HDGFL3: variants seen among roughly 807,000 people sequenced by gnomAD.
The protein encoded by HDGFL3 is HDGF like 3, also known as hepatoma-derived growth factor-related protein 3.
A neutral mutation model predicts 27.6 loss-of-function variants in HDGFL3; 6 were observed. The ratio of observed to expected loss-of-function variants is 0.22; its 90% CI spans 0.12 to 0.43. HDGFL3 has a LOEUF of 0.43. HDGFL3 is among the 20% of genes least tolerant of loss of function. The pLI is 1.00. For synonymous variants in HDGFL3, 88 were observed against 88.9 expected, an observed-to-expected ratio of 0.99 and a Z score of 0.05; for missense variants, 207 against 250.1, an observed-to-expected ratio of 0.83 and a Z score of 1.16.
chr15:83,161,569 T>C (rs922977086), intron 2 of HDGFL3, among the ~76,000 whole-genome samples: 15 of 152,196 alleles, frequency 9.9e-5, no homozygotes, highest in Non-Finnish European at 1.9e-4. Flanking sequence ...CACTTTTGGA[T>C]GTATGAGATG....
intron 1 of HDGFL3, among the ~76,000 whole-genome samples, chr15:83,164,860 T>C (rs1007130267): frequency 3.9e-5 from 6 of 152,238 alleles, no homozygotes; most frequent in African/African-American, 1.4e-4. Flanking sequence ...TCTAAACTCC[T>C]GTCACTTTTC....
At position 83,207,419 on chromosome 15, in the gene HDGFL3, G is replaced by A. The variant is rs1451326629; in HGVS notation, c.-5C>T. ...GCGGGGCCGCGGACGCGCCATCCCAGCCGCTCCCCTTCCTGGTAGTCCTTG... is the reference window on the plus strand; with the variant it reads ...GCGGGGCCGCGGACGCGCCATCCCAACCGCTCCCCTTCCTGGTAGTCCTTG... On this transcript the variant is annotated 5_prime_UTR_variant, in exon 1 of 6. Coordinates refer to ENST00000299633, the MANE Select transcript of HDGFL3 (RefSeq NM_016073.4). This position sits in a 1 kb window ranked among gnomAD's most constrained non-coding sequence, Gnocchi z 4.8. 8 of 1,328,864 alleles carry A rather than the reference G, an allele frequency of 6.0e-6. No individual in the cohort carries two copies. Among genetic ancestry groups the A allele is most frequent in the Non-Finnish European group, 6.8e-6 (7 of 1,034,512 alleles). 82.3% of individuals were successfully genotyped at this position (1,328,864 alleles called of 1,614,324 possible).
chr15:83,200,757 C>T (rs1481819746), intron 1 of HDGFL3, among the ~76,000 whole-genome samples: 1 of 152,096 alleles, frequency 6.6e-6, no homozygotes, highest in Non-Finnish European at 1.5e-5. Context: ...CTTTTAACCC[C>T]TGGTCTGATT....
At chr15:83,162,058 G>A (rs2037108079) in intron 2 of HDGFL3, among the ~76,000 whole-genome samples, 1 of 152,134 alleles carries the variant, frequency 6.6e-6, no homozygotes. Context: ...TGAACCAAAC[G>A]TAGCCTTCTT....
At chr15:83,113,972 C>G (rs1389935217) in exon 4 of HDGFL3, 1 of 152,216 alleles carries the variant, frequency 6.6e-6, no homozygotes, top group Non-Finnish European at 1.5e-5. Flanking sequence ...CTAGTTTCTC[C>G]CAATCCACAT....
chr15:83,113,046 G>A, exon 4 of HDGFL3: 2 of 688,672 alleles, frequency 2.9e-6, no homozygotes, highest in South Asian at 1.7e-5. Context: ...GGACAATCTG[G>A]CCCTCGCCTC....
At chr15:83,206,830 T>A (rs565092917) in intron 1 of HDGFL3, among the ~76,000 whole-genome samples, 2 of 152,334 alleles carry the variant, frequency 1.3e-5, no homozygotes, top group East Asian at 3.9e-4. Flanking sequence ...AAGAGATGGA[T>A]GAATGACTGC....
At chr15:83,206,437 T>G (rs1223801831) in intron 1 of HDGFL3, among the ~76,000 whole-genome samples, 1 of 152,252 alleles carries the variant, frequency 6.6e-6, no homozygotes, top group African/African-American at 2.4e-5. Context: ...GGATTTCTTC[T>G]AAAACACAAA....
At chr15:83,187,128 A>AT (rs2037452931) in intron 1 of HDGFL3, among the ~76,000 whole-genome samples, 1 of 151,438 alleles carries the variant, frequency 6.6e-6, no homozygotes, top group Non-Finnish European at 1.5e-5. Context: ...AATGGGCTGT[A>AT]TGTCACAGAA....
At chr15:83,115,122 C>CTT (rs913490363) in exon 4 of HDGFL3, 8 of 146,572 alleles carry the variant, frequency 5.5e-5, no homozygotes, top group Non-Finnish European at 1.0e-4. Flanking sequence ...AAGTCATTGT[C>CTT]TTTTTTTTTT....
chr15:83,139,355 T>C (rs2036722353), intron 5 of HDGFL3, 80 bp from the exon 6 acceptor site: 2 of 812,110 alleles, frequency 2.5e-6, no homozygotes, highest in Admixed American at 3.0e-5. Flanking sequence ...CACACCTAGA[T>C]AGTACATAAT....
At chr15:83,174,251 ATCT>A (rs901576817) in intron 1 of HDGFL3, among the ~76,000 whole-genome samples, 4 of 152,062 alleles carry the variant, frequency 2.6e-5, no homozygotes, top group Non-Finnish European at 4.4e-5. Context: ...TCATACTCTG[ATCT>A]TCTGAGTATT....
At chr15:83,150,112 A>G (rs2036945555) in intron 5 of HDGFL3, among the ~76,000 whole-genome samples, 1 of 152,182 alleles carries the variant, frequency 6.6e-6, no homozygotes, top group African/African-American at 2.4e-5. Context: ...CACTGACCAC[A>G]TTCTGAGTAT....
At chr15:83,141,545 T>A (rs984044766) in intron 5 of HDGFL3, among the ~76,000 whole-genome samples, 1 of 152,204 alleles carries the variant, frequency 6.6e-6, no homozygotes, top group Non-Finnish European at 1.5e-5. Flanking sequence ...CAGTGAAAAC[T>A]AGAATTTCAA....
intron 5 of HDGFL3, among the ~76,000 whole-genome samples, chr15:83,149,188 C>T (rs539588521): frequency 1.7e-3 from 261 of 152,290 alleles, no homozygotes; most frequent in Non-Finnish European, 2.8e-3. Context: ...CCTGCACCTA[C>T]CTCCTGAAGT....
At chr15:83,143,498 C>A (rs559997417) in intron 5 of HDGFL3, among the ~76,000 whole-genome samples, 162 of 151,926 alleles carry the variant, frequency 1.1e-3, no homozygotes, top group Non-Finnish European at 1.4e-3. Flanking sequence ...AGGAGGATCG[C>A]TTGAACCCAG....
chr15:83,203,245 C>T (rs529200477), intron 1 of HDGFL3, among the ~76,000 whole-genome samples: 2 of 151,848 alleles, frequency 1.3e-5, no homozygotes, highest in Admixed American at 6.6e-5. Context: ...CACATCTCAG[C>T]GGAAGGTTTG....
At position 83,207,475 on chromosome 15, in the gene HDGFL3, C is replaced by A. The variant is rs1165519000; in HGVS notation, c.-61G>T. The A allele has an allele frequency of 4.0e-5, 48 of 1,211,218 alleles. No homozygotes were observed. The highest frequency in any genetic ancestry group is 1.3e-4 in the Admixed American group (3 of 23,514). The allele number at this position is 1,211,218 out of a possible 1,614,324, so 75.0% of individuals were successfully genotyped here. On this transcript the variant is annotated 5_prime_UTR_variant, in exon 1 of 6. Transcript: ENST00000299633. The surrounding 1 kb of genome is among the most constrained non-coding windows in gnomAD (Gnocchi z 4.8). ...CGCGAAGATGCCGGGAGGCCGCCCC[C>A]CCGCGGGCCGACGAATTGCGCCGCG...
intron 1 of HDGFL3, among the ~76,000 whole-genome samples, chr15:83,181,487 T>TC (rs1254990724): frequency 6.6e-6 from 1 of 152,244 alleles, no homozygotes; most frequent in Non-Finnish European, 1.5e-5. Flanking sequence ...GTAGTCACTT[T>TC]TTTTTTGAGA....
Sources: gnomAD v4.1 joint callset for allele counts (sites outside exome capture counted in the v4.1 genomes callset) on GRCh38, gnomAD v4.1.1 for gene constraint, Gnocchi (gnomAD v3.1) non-coding constraint, MANE v1.5 for transcripts, NCBI Gene and HGNC (gene_info 2026-07-23, HGNC 2026-07-21) for gene names.